SGF29: variants seen among roughly 807,000 people sequenced by gnomAD.
SGF29 encodes SAGA complex associated factor 29.
SGF29 carries 15 observed loss-of-function variants against 38.1 expected under a neutral mutation model. The observed-to-expected ratio is 0.39, with a 90% confidence interval of 0.26 to 0.61. The LOEUF is 0.61. SGF29 is among the 20% of genes least tolerant of loss of function. SGF29 has a pLI of 0.49. For missense variants in SGF29, 184 were observed against 394.6 expected, an observed-to-expected ratio of 0.47 and a Z score of 4.52; for synonymous variants, 151 against 160.8, an observed-to-expected ratio of 0.94 and a Z score of 0.46.
intron 1 of SGF29, among the ~76,000 whole-genome samples, chr16:28,574,728 T>A (rs565505901): frequency 2.0e-5 from 3 of 152,332 alleles, no homozygotes; most frequent in African/African-American, 7.2e-5. Context: ...CTTCACTTTC[T>A]TTGTTATGGC....
rs372785681 is a variant in SGF29 at position 28,554,644 on chromosome 16, T to C, written c.-16+547T>C. 9.2e-5 allele frequency among the ~76,000 whole-genome samples: 14 copies of C among 152,196 alleles called. No homozygotes were observed. The East Asian group carries it at 2.7e-3, about 29-fold the overall frequency. ...CCGTCTTAAGAACAACAAAACAGCC[T>C]CCTTCACCCTCGCTATCCTCCAGTT... is the stretch of plus-strand genomic sequence containing the variant. On this transcript the variant is annotated intron_variant, in intron 1 of 9. Transcript: ENST00000317058.
intron 2 of SGF29, among the ~76,000 whole-genome samples, chr16:28,583,043 A>G (rs1317438608): frequency 6.6e-6 from 1 of 152,268 alleles, no homozygotes; most frequent in East Asian, 1.9e-4. Context: ...GGTGTCCCTC[A>G]GACAGCTGCT....
rs764900125 is a variant in SGF29 at position 28,590,593 on chromosome 16, C to G, written c.567-38C>G. The G allele has an allele frequency of 6.2e-7, 1 of 1,612,978 alleles. No individual in the cohort carries two copies. The highest frequency in any genetic ancestry group is 8.5e-7 in the Non-Finnish European group (1 of 1,179,870). On this transcript the variant is annotated intron_variant, in intron 7 of 9. Transcript: ENST00000317058. The surrounding 1 kb of genome is among the most constrained non-coding windows in gnomAD (Gnocchi z 8.2). Reference sequence around the variant, plus strand: ...CTCACTCCCCAACAGGTACTGCGCCCCTGGCTGCATCCAGCCTTTTCCTCC... The same window carrying G: ...CTCACTCCCCAACAGGTACTGCGCCGCTGGCTGCATCCAGCCTTTTCCTCC...
intron 1 of SGF29, among the ~76,000 whole-genome samples, chr16:28,563,998 C>T (rs546866531): frequency 9.6e-4 from 146 of 152,210 alleles, no homozygotes; most frequent in African/African-American, 3.4e-3. Flanking sequence ...CTGCCCGCCT[C>T]GGCCTCCCAA....
intron 5 of SGF29, 107 bp downstream of exon 5, chr16:28,589,271 A>C (rs2046972960): frequency 4.4e-6 from 5 of 1,143,268 alleles, no homozygotes; most frequent in Admixed American, 3.6e-5. Flanking sequence ...ACCTGCTGGC[A>C]TCCTCCCATG....
chr16:28,587,463 C>T (rs2046961723), intron 4 of SGF29, among the ~76,000 whole-genome samples: 1 of 152,242 alleles, frequency 6.6e-6, no homozygotes, highest in Non-Finnish European at 1.5e-5. Flanking sequence ...TCCCGGTGCT[C>T]ACAGCCTGAG....
intron 9 of SGF29, 125 bp downstream of exon 9, chr16:28,591,060 C>T (rs372109536): frequency 8.3e-7 from 1 of 1,204,948 alleles, no homozygotes; most frequent in East Asian, 2.6e-5. Context: ...TGACAGGACC[C>T]ACCAGCTGCC....
At chr16:28,582,470 C>A (rs1009490975) in intron 2 of SGF29, among the ~76,000 whole-genome samples, 3 of 152,148 alleles carry the variant, frequency 2.0e-5, no homozygotes, top group Non-Finnish European at 4.4e-5. Context: ...AGTTAATTAT[C>A]TAACAGTATT....
intron 1 of SGF29, among the ~76,000 whole-genome samples, chr16:28,568,919 G>GA (rs200404862): frequency 0.063 from 8,159 of 129,156 alleles, 370 homozygotes; most frequent in East Asian, 0.21. Context: ...CTCAAAAAAA[G>GA]AAAAAAAAAA....
chr16:28,590,300 C>T lies in SGF29; in HGVS notation c.424C>T (p.Pro142Ser), dbSNP rs1248912834. The T allele has an allele frequency of 6.2e-7, 1 of 1,609,652 alleles. No individual in the cohort carries two copies. The highest frequency in any genetic ancestry group is 8.5e-7 in the Non-Finnish European group (1 of 1,178,102). Residue 142 changes from proline (P) to serine (S), a missense_variant, in exon 7 of 10, where the codon CCA becomes TCA. Physicochemically the swap from Pro to Ser is moderately conservative, Grantham distance 74 (BLOSUM62 -1). Transcript: ENST00000317058. The surrounding 1 kb of genome is among the most constrained non-coding windows in gnomAD (Gnocchi z 8.2). ...GACCCTTTGTTCCACTCACAGGCCC[C>T]CACCCCTCTGTGGGGCCATCCCTGC... The part of the protein sequence containing the change: ...LWIGKPGDKP[P>S]PLCGAIPASG...
At chr16:28,580,371 A>G (rs2046918234) in intron 1 of SGF29, among the ~76,000 whole-genome samples, 1 of 152,204 alleles carries the variant, frequency 6.6e-6, no homozygotes. Flanking sequence ...CCATAATTCC[A>G]AAATCAAGAT....
chr16:28,586,376 T>C (rs1230693851), intron 4 of SGF29, among the ~76,000 whole-genome samples: 1 of 151,732 alleles, frequency 6.6e-6, no homozygotes, highest in Non-Finnish European at 1.5e-5. Context: ...CTATATCTAC[T>C]AAAAATACAA....
chr16:28,555,309 A>G (rs1323157457), intron 1 of SGF29, among the ~76,000 whole-genome samples: 1 of 152,040 alleles, frequency 6.6e-6, no homozygotes, highest in East Asian at 1.9e-4. Flanking sequence ...TCTAAAAAAA[A>G]AAAAAAAAAT....
At chr16:28,569,336 GA>G (rs575862557) in intron 1 of SGF29, among the ~76,000 whole-genome samples, 85 of 152,304 alleles carry the variant, frequency 5.6e-4, no homozygotes, top group African/African-American at 2.0e-3. Flanking sequence ...TAAGCATTTG[GA>G]AGATTCTCAG....
intron 1 of SGF29, among the ~76,000 whole-genome samples, chr16:28,556,053 G>A (rs1362776082): frequency 1.3e-5 from 2 of 152,076 alleles, no homozygotes; most frequent in Non-Finnish European, 2.9e-5. Context: ...CTATTTTATA[G>A]GATTGCTGTA....
chr16:28,579,178 G>A (rs1212340076), intron 1 of SGF29, among the ~76,000 whole-genome samples: 1 of 151,712 alleles, frequency 6.6e-6, no homozygotes, highest in Non-Finnish European at 1.5e-5. Flanking sequence ...TTTATCTTGA[G>A]GCATATGTCT....
intron 1 of SGF29, among the ~76,000 whole-genome samples, chr16:28,564,813 A>G (rs1471755127): frequency 1.4e-5 from 2 of 142,682 alleles, no homozygotes; most frequent in African/African-American, 5.2e-5. Context: ...ACACAAACAC[A>G]CACACACACA....
intron 2 of SGF29, among the ~76,000 whole-genome samples, chr16:28,582,769 T>C (rs1439873841): frequency 6.6e-6 from 1 of 151,836 alleles, no homozygotes. Flanking sequence ...ATGGCGAAAC[T>C]CCATCTCTAC....
intron 1 of SGF29, among the ~76,000 whole-genome samples, chr16:28,558,862 A>G (rs1018558658): frequency 6.6e-6 from 1 of 152,334 alleles, no homozygotes; most frequent in African/African-American, 2.4e-5. Context: ...ACAAATATGA[A>G]TTAGAATAAT....
Sources: allele counts gnomAD v4.1 joint callset (sites outside exome capture counted in the v4.1 genomes callset), GRCh38; gene constraint gnomAD v4.1.1; non-coding constraint Gnocchi (gnomAD v3.1); transcripts MANE v1.5; gene names NCBI Gene and HGNC (gene_info 2026-07-23, HGNC 2026-07-21).